Variants in ZNF804A observed in about 807,000 individuals in gnomAD.
ZNF804A encodes zinc finger protein 804A.
In ZNF804A, 2 loss-of-function variants were observed where a neutral mutation model predicts 16.5. The ratio of observed to expected loss-of-function variants is 0.12; its 90% CI spans 0.05 to 0.38. The LOEUF is 0.38. ZNF804A is among the 10% of genes least tolerant of loss of function. ZNF804A has a pLI of 0.99. For missense variants in ZNF804A, 1,473 were observed against 1,390.7 expected (o/e 1.06, Z -0.94); for synonymous variants, 534 against 489.6 (o/e 1.09, Z -1.20).
At chr2:184,916,804 C>T (rs977223613) in intron 2 of ZNF804A, among the ~76,000 whole-genome samples, 1 of 151,956 alleles carries the variant, frequency 6.6e-6, no homozygotes, top group Non-Finnish European at 1.5e-5. Context: ...GCTGAGATTA[C>T]ACCACTGCAC....
intron 1 of ZNF804A, among the ~76,000 whole-genome samples, chr2:184,838,453 T>C (rs537691459): frequency 6.6e-6 from 1 of 152,188 alleles, no homozygotes; most frequent in East Asian, 1.9e-4. Context: ...AAGTAGTAGA[T>C]GACACATAAA....
chr2:184,937,095 CAAAT>C lies in ZNF804A; in HGVS notation c.1703_1706del (p.Ile568AsnfsTer5). 6.2e-7 allele frequency: 1 copy of C among 1,604,196 alleles called. No homozygotes were observed. Among genetic ancestry groups the C allele is most frequent in the Non-Finnish European group, 8.5e-7 (1 of 1,177,284 alleles). Reference sequence around the variant, plus strand: ...AGAAAAGTATAATTTTACTAAAAGTCAAATAAAACAGGACACTCTAGATGAAAAA... The same window carrying C: ...AGAAAAGTATAATTTTACTAAAAGTCAAAACAGGACACTCTAGATGAAAAA... On this transcript the variant is annotated frameshift_variant, in exon 4 of 4. Coordinates refer to ENST00000302277, the MANE Select transcript of ZNF804A (RefSeq NM_194250.2). LOFTEE classifies it low-confidence loss of function (END_TRUNC).
intron 1 of ZNF804A, among the ~76,000 whole-genome samples, chr2:184,857,396 A>T (rs760567550): frequency 5.3e-5 from 8 of 152,108 alleles, no homozygotes; most frequent in Non-Finnish European, 1.2e-4. Context: ...GTTGCCTAAC[A>T]TATAGGCTAT....
At chr2:184,901,152 C>T (rs1479656063) in intron 2 of ZNF804A, among the ~76,000 whole-genome samples, 4 of 152,116 alleles carry the variant, frequency 2.6e-5, no homozygotes, top group Non-Finnish European at 5.9e-5. Context: ...TCTTATAAAA[C>T]TATCTTAATA....
chr2:184,913,403 T>C (rs905558446), intron 2 of ZNF804A, among the ~76,000 whole-genome samples: 1 of 152,202 alleles, frequency 6.6e-6, no homozygotes, highest in Admixed American at 6.6e-5. Context: ...CTAGAGTCCA[T>C]TATTTCAGCC....
intron 1 of ZNF804A, among the ~76,000 whole-genome samples, chr2:184,719,287 T>G (rs1693267061): frequency 6.6e-6 from 1 of 151,088 alleles, no homozygotes; most frequent in Admixed American, 6.6e-5. Flanking sequence ...ATGAAACCAT[T>G]TTTTTTTTCT....
At chr2:184,680,049 AG>A (rs1692511436) in intron 1 of ZNF804A, among the ~76,000 whole-genome samples, 1 of 152,322 alleles carries the variant, frequency 6.6e-6, no homozygotes, top group South Asian at 2.1e-4. Flanking sequence ...AGCCCATAAA[AG>A]CTCCAGATTC....
At chr2:184,840,186 C>T (rs558283584) in intron 1 of ZNF804A, among the ~76,000 whole-genome samples, 1 of 152,094 alleles carries the variant, frequency 6.6e-6, no homozygotes, top group Non-Finnish European at 1.5e-5. Flanking sequence ...GTCAGGAGTT[C>T]GAGTCCAGCC....
intron 1 of ZNF804A, among the ~76,000 whole-genome samples, chr2:184,694,759 C>A (rs542157765): frequency 6.6e-6 from 1 of 152,220 alleles, no homozygotes; most frequent in African/African-American, 2.4e-5. Flanking sequence ...TCATTTATTT[C>A]CTGAAATTCA....
chr2:184,821,847 C>A (rs1558972177), intron 1 of ZNF804A, among the ~76,000 whole-genome samples: 1 of 151,960 alleles, frequency 6.6e-6, no homozygotes, highest in African/African-American at 2.4e-5. Context: ...AAATGCAGAC[C>A]AAAACTACAA....
Position 184,937,453 on chromosome 2 carries a change from C to G in ZNF804A, c.2057C>G (p.Thr686Ser), listed in dbSNP as rs766649664. ...AATACTGAATACAACACTTATGATA[C>G]TATCAGTTCTAAAAACCACTGTAAA... ...TWNTEYNTYD[T>S]ISSKNHCKKN... The change falls in exon 4 of 4, where the codon ACT (threonine) becomes AGT (serine). Residue 686 changes from threonine to serine, a missense_variant. Coordinates refer to ENST00000302277, the MANE Select transcript of ZNF804A (RefSeq NM_194250.2). The G allele has an allele frequency of 1.2e-6, 2 of 1,607,766 alleles. No homozygotes were observed. Among genetic ancestry groups the G allele is most frequent in the Non-Finnish European group, 1.7e-6 (2 of 1,177,910 alleles).
At chr2:184,683,373 T>A (rs1456783300) in intron 1 of ZNF804A, among the ~76,000 whole-genome samples, 1 of 152,204 alleles carries the variant, frequency 6.6e-6, no homozygotes, top group East Asian at 1.9e-4. Context: ...CAGCCACATT[T>A]TACATTTGAG....
intron 2 of ZNF804A, among the ~76,000 whole-genome samples, chr2:184,922,591 C>A (rs1401018730): frequency 6.6e-6 from 1 of 151,986 alleles, no homozygotes; most frequent in Non-Finnish European, 1.5e-5. Flanking sequence ...TGTGCAGAAG[C>A]TTTTTAATTT....
At chr2:184,613,689 T>C (rs1199616664) in intron 1 of ZNF804A, among the ~76,000 whole-genome samples, 1 of 152,062 alleles carries the variant, frequency 6.6e-6, no homozygotes, top group Non-Finnish European at 1.5e-5. Context: ...GAATTGGTGC[T>C]ACAAAGAGAA....
chr2:184,924,329 T>C (rs1326740022), intron 2 of ZNF804A, among the ~76,000 whole-genome samples: 3 of 151,858 alleles, frequency 2.0e-5, no homozygotes, highest in East Asian at 1.9e-4. Context: ...GCATTTCTTC[T>C]GGATTTTTCA....
chr2:184,721,874 T>C (rs1302993569), intron 1 of ZNF804A, among the ~76,000 whole-genome samples: 1 of 152,056 alleles, frequency 6.6e-6, no homozygotes, highest in African/African-American at 2.4e-5. Flanking sequence ...AAAGGAAATG[T>C]GATATATATA....
chr2:184,715,023 A>G (rs560478199), intron 1 of ZNF804A, among the ~76,000 whole-genome samples: 6 of 152,270 alleles, frequency 3.9e-5, no homozygotes, highest in African/African-American at 9.6e-5. Flanking sequence ...CTTCTTCCAT[A>G]TAAGGCTGGT....
chr2:184,844,844 A>C (rs149075774), intron 1 of ZNF804A, among the ~76,000 whole-genome samples: 2 of 151,892 alleles, frequency 1.3e-5, no homozygotes, highest in East Asian at 3.9e-4. Context: ...TGATATTCTA[A>C]ATATACATAT....
intron 1 of ZNF804A, among the ~76,000 whole-genome samples, chr2:184,838,259 C>T (rs1045751067): frequency 1.3e-5 from 2 of 152,044 alleles, no homozygotes; most frequent in Non-Finnish European, 2.9e-5. Flanking sequence ...ATCAAGACAG[C>T]ATAGCATTAA....
Sources: allele counts gnomAD v4.1 joint callset (sites outside exome capture counted in the v4.1 genomes callset), GRCh38; gene constraint gnomAD v4.1.1; transcripts MANE v1.5; gene names NCBI Gene and HGNC (gene_info 2026-07-23, HGNC 2026-07-21).